The following DLC1 variants were observed in gnomAD, a reference collection of about 807,000 sequenced individuals.
DLC1 encodes rho GTPase-activating protein 7.
Under a neutral mutation model 140.3 loss-of-function variants are expected in DLC1, and 54 were observed. The observed-to-expected ratio is 0.38, with a 90% confidence interval of 0.31 to 0.48. DLC1 has a LOEUF of 0.48. Ranked by LOEUF, DLC1 falls within the 20% of genes least tolerant of loss-of-function variation. The pLI is 0.96. For missense variants in DLC1, 2,536 were observed against 1,907.0 expected (o/e 1.33, Z -6.14); for synonymous variants, 986 against 728.1 (o/e 1.35, Z -5.70).
At chr8:13,569,148 A>G (rs1418754583) in intron 1 of DLC1, among the ~76,000 whole-genome samples, 2 of 152,216 alleles carry the variant, frequency 1.3e-5, no homozygotes, top group African/African-American at 4.8e-5. Flanking sequence ...GTTAGATGGC[A>G]TTCTGAGAAG....
chr8:13,481,551 T>G (rs1253410905), intron 2 of DLC1, among the ~76,000 whole-genome samples: 1 of 152,162 alleles, frequency 6.6e-6, no homozygotes, highest in Non-Finnish European at 1.5e-5. Context: ...AAACGTCCGT[T>G]GTTATGAAGG....
intron 5 of DLC1, among the ~76,000 whole-genome samples, chr8:13,152,169 G>A (rs556721612): frequency 4.7e-4 from 72 of 152,278 alleles, no homozygotes; most frequent in Non-Finnish European, 6.5e-4. Context: ...TGGTTCTTTA[G>A]ACAAAGTCCA....
intron 2 of DLC1, among the ~76,000 whole-genome samples, chr8:13,490,291 C>T (rs1430211046): frequency 6.6e-6 from 1 of 152,188 alleles, no homozygotes; most frequent in African/African-American, 2.4e-5. Flanking sequence ...AGTTTTATTC[C>T]TATGTCAATA....
chr8:13,556,848 A>G (rs1804064399), intron 1 of DLC1, among the ~76,000 whole-genome samples: 1 of 152,202 alleles, frequency 6.6e-6, no homozygotes, highest in Admixed American at 6.5e-5. Context: ...GCATTATTTA[A>G]TTCATTTATT....
chr8:13,213,864 A>T (rs1302948709), intron 5 of DLC1, among the ~76,000 whole-genome samples: 2 of 151,674 alleles, frequency 1.3e-5, no homozygotes, highest in Non-Finnish European at 2.9e-5. Context: ...GTTCACTGCA[A>T]CCTCTGCCTT....
chr8:13,158,782 T>C (rs1175811937), intron 5 of DLC1, among the ~76,000 whole-genome samples: 1 of 132,050 alleles, frequency 7.6e-6, no homozygotes, highest in Non-Finnish European at 1.6e-5. Context: ...TTTTCCTCTG[T>C]CTTATTTTTC....
intron 1 of DLC1, among the ~76,000 whole-genome samples, chr8:13,586,603 AC>A (rs1805325108): frequency 6.6e-6 from 1 of 151,272 alleles, no homozygotes; most frequent in Admixed American, 6.6e-5. Flanking sequence ...ACACACACAC[AC>A]ACACACACAC....
chr8:13,107,641 C>G (rs895767588), intron 7 of DLC1, among the ~76,000 whole-genome samples: 5 of 152,130 alleles, frequency 3.3e-5, no homozygotes, highest in African/African-American at 4.8e-5. Flanking sequence ...TTCCATAGGC[C>G]AAGAAGGTAT....
chr8:13,460,738 G>A (rs1364967665), intron 2 of DLC1, among the ~76,000 whole-genome samples: 2 of 152,218 alleles, frequency 1.3e-5, no homozygotes, highest in Admixed American at 1.3e-4. Context: ...AGGGTAAAAG[G>A]AGTTACTACA....
intron 4 of DLC1, among the ~76,000 whole-genome samples, chr8:13,375,488 A>G (rs537908216): frequency 6.6e-6 from 1 of 152,246 alleles, no homozygotes; most frequent in South Asian, 2.1e-4. Context: ...TTCCTAATTG[A>G]ATATCCTTTA....
rs543220619 is a variant in DLC1 at position 13,262,356 on chromosome 8, T to C, written c.1348+42913A>G. On this transcript the variant is annotated intron_variant, in intron 5 of 17. Transcript: ENST00000276297. ...AAAGCCATTAAAATTAGGAGGAAAA[T>C]TGATAATCACGTGATCCTAAGGAAA... 9.9e-5 allele frequency among the ~76,000 whole-genome samples: 15 copies of C among 152,120 alleles called. No individual in the cohort carries two copies. In the South Asian group the frequency reaches 2.9e-3, roughly 29 times the overall value.
At chr8:13,145,120 T>C (rs182987093) in intron 5 of DLC1, among the ~76,000 whole-genome samples, 2 of 152,210 alleles carry the variant, frequency 1.3e-5, no homozygotes, top group South Asian at 2.1e-4. Context: ...ATACTGAAAA[T>C]TTTAAAATTC....
At chr8:13,537,188 G>T (rs1803312124) in intron 1 of DLC1, among the ~76,000 whole-genome samples, 2 of 151,960 alleles carry the variant, frequency 1.3e-5, no homozygotes, top group Admixed American at 6.6e-5. Context: ...GGTTTTACTT[G>T]TTTTCAGATC....
chr8:13,084,645 TA>T lies in DLC1; in HGVS notation c.*1165del, dbSNP rs1331168044. On this transcript the variant is annotated 3_prime_UTR_variant, in exon 18 of 18. Transcript: ENST00000276297. ...AAAAAGAAATGTAGGAAAAATAAAA[TA>T]AGACAAAAAGTCATAAAACCAGAAA... 2.7e-5 allele frequency: 4 copies of T among 146,452 alleles called. No individual in the cohort carries two copies. The highest frequency in any genetic ancestry group is 4.5e-5 in the Non-Finnish European group (3 of 66,296). 9.1% of individuals were successfully genotyped at this position (146,452 alleles called of 1,614,324 possible).
intron 4 of DLC1, among the ~76,000 whole-genome samples, chr8:13,318,197 A>AT (rs3988459): frequency 0.028 from 3,799 of 136,248 alleles, 59 homozygotes; most frequent in Middle Eastern, 0.039. Context: ...GCTAATTAAA[A>AT]TTTTTTTTTT....
At chr8:13,555,655 C>G (rs1804017915) in intron 1 of DLC1, among the ~76,000 whole-genome samples, 1 of 149,996 alleles carries the variant, frequency 6.7e-6, no homozygotes, top group Non-Finnish European at 1.5e-5. Flanking sequence ...CCATGCCTAG[C>G]TATTATTTTT....
chr8:13,524,871 G>A (rs1359114438), intron 1 of DLC1, among the ~76,000 whole-genome samples: 1 of 152,050 alleles, frequency 6.6e-6, no homozygotes, highest in Non-Finnish European at 1.5e-5. Flanking sequence ...CATATTTAAA[G>A]TGAACAATTT....
intron 5 of DLC1, among the ~76,000 whole-genome samples, chr8:13,118,111 ATGATCC>A (rs1320173096): frequency 6.6e-6 from 1 of 150,846 alleles, no homozygotes; most frequent in Non-Finnish European, 1.5e-5. Context: ...CCGGGCTCAA[ATGATCC>A]TCCCACCTCC....
At chr8:13,465,549 A>G (rs1176381380) in intron 2 of DLC1, among the ~76,000 whole-genome samples, 3 of 152,106 alleles carry the variant, frequency 2.0e-5, no homozygotes, top group African/African-American at 4.8e-5. Flanking sequence ...GTTCTATAAA[A>G]TATCCATTTT....
Sources: gnomAD v4.1 joint callset for allele counts (sites outside exome capture counted in the v4.1 genomes callset) on GRCh38, gnomAD v4.1.1 for gene constraint, MANE v1.5 for transcripts, NCBI Gene and HGNC (gene_info 2026-07-23, HGNC 2026-07-21) for gene names.